The following PDE10A variants were observed in gnomAD, a reference collection of about 807,000 sequenced individuals.
PDE10A encodes the protein cAMP and cAMP-inhibited cGMP 3',5'-cyclic phosphodiesterase 10A.
PDE10A carries 39 observed loss-of-function variants against 97.7 expected under a neutral mutation model. The ratio of observed to expected loss-of-function variants is 0.40; its 90% CI spans 0.31 to 0.52. The LOEUF is 0.52. Among genes scored for constraint, PDE10A ranks in the 20% least tolerant of loss-of-function variants. The pLI is 0.56. For missense variants in PDE10A, 731 were observed against 1,047.8 expected, an observed-to-expected ratio of 0.70 and a Z score of 4.17; for synonymous variants, 371 against 376.8, an observed-to-expected ratio of 0.98 and a Z score of 0.18.
intron 5 of PDE10A, among the ~76,000 whole-genome samples, chr6:165,446,563 A>C (rs187179729): frequency 1.3e-5 from 2 of 152,350 alleles, no homozygotes; most frequent in Admixed American, 1.3e-4. Flanking sequence ...CAGGCAGATA[A>C]GGTATCTGTC....
intron 1 of PDE10A, among the ~76,000 whole-genome samples, chr6:165,548,135 C>G (rs535896107): frequency 2.0e-5 from 3 of 151,962 alleles, no homozygotes; most frequent in Non-Finnish European, 4.4e-5. Context: ...CAAAGCAAAT[C>G]CAAGAAATTA....
In PDE10A at chr6:165,327,910, C is replaced by A. The variant is rs1030900301; in HGVS notation, c.*5115G>T. The A allele has an allele frequency of 2.0e-5, 3 of 152,168 alleles. No homozygotes were observed. The highest frequency in any genetic ancestry group is 7.2e-5 in the African/African-American group (3 of 41,442). The allele number at this position is 152,168 out of a possible 1,614,324, so 9.4% of individuals were successfully genotyped here. A position where few individuals can be genotyped will look rare whatever the true frequency, so the allele number is the denominator to read the frequency against. Reference sequence around the variant, plus strand: ...TTACTCTCCAGTAGTTTTTGGTCAGCAAGATTATCAACAGCAAACTCTTAG... The same window carrying A: ...TTACTCTCCAGTAGTTTTTGGTCAGAAAGATTATCAACAGCAAACTCTTAG... On this transcript the variant is annotated 3_prime_UTR_variant, in exon 22 of 22. Coordinates refer to ENST00000539869, the MANE Select transcript of PDE10A (RefSeq NM_001385079.1).
intron 2 of PDE10A, among the ~76,000 whole-genome samples, chr6:165,490,085 G>C (rs1196681013): frequency 1.3e-5 from 2 of 152,176 alleles, no homozygotes; most frequent in Non-Finnish European, 2.9e-5. Flanking sequence ...AATACAAGAA[G>C]GTCAAAGAAC....
rs561636367 is a variant in PDE10A at position 165,722,883 on chromosome 6, T to TACACAC, written c.-614-179321_-614-179316dup. ...TAAAATTTGTTCATATATATATATA[T>TACACAC]ACACACACACACACACACATATACA... On this transcript the variant is annotated intron_variant, in intron 1 of 19. Transcript: ENST00000366882. Among the ~76,000 whole-genome samples the TACACAC allele has an allele frequency of 2.3e-3, 338 of 149,140 alleles. 1 individual carries two copies. The highest frequency in any genetic ancestry group is 7.6e-3 in the African/African-American group (307 of 40,200).
At chr6:165,690,003 A>AT (rs1411702374) in intron 1 of PDE10A, among the ~76,000 whole-genome samples, 1 of 152,048 alleles carries the variant, frequency 6.6e-6, no homozygotes, top group African/African-American at 2.4e-5. Context: ...TTAACAAGAC[A>AT]TTTTTAATGC....
At chr6:165,708,507 C>T (rs1260631569) in intron 1 of PDE10A, among the ~76,000 whole-genome samples, 1 of 151,920 alleles carries the variant, frequency 6.6e-6, no homozygotes, top group East Asian at 1.9e-4. Context: ...TATCAGGCTC[C>T]GCACTCTCAG....
chr6:165,516,586 G>C (rs1781822967), intron 2 of PDE10A, among the ~76,000 whole-genome samples: 1 of 152,122 alleles, frequency 6.6e-6, no homozygotes, highest in East Asian at 1.9e-4. Context: ...CACATGTTAA[G>C]CATACGAGGA....
intron 12 of PDE10A, among the ~76,000 whole-genome samples, chr6:165,415,858 C>T (rs564371858): frequency 1.3e-3 from 204 of 152,150 alleles, no homozygotes; most frequent in African/African-American, 4.4e-3. Context: ...TATGATTTGA[C>T]GGAGAACATG....
chr6:165,409,162 C>A (rs1440721736), intron 13 of PDE10A, among the ~76,000 whole-genome samples: 1 of 56,576 alleles, frequency 1.8e-5, no homozygotes, highest in Non-Finnish European at 3.5e-5. Context: ...GAGACTCCAT[C>A]TCAAAAAAAA....
At chr6:165,905,873 A>T (rs1275368108) in intron 1 of PDE10A, among the ~76,000 whole-genome samples, 1 of 152,120 alleles carries the variant, frequency 6.6e-6, no homozygotes, top group African/African-American at 2.4e-5. Context: ...CTAGACACAA[A>T]TCTAGTCATA....
intron 1 of PDE10A, among the ~76,000 whole-genome samples, chr6:165,815,124 C>T (rs1174855300): frequency 6.6e-6 from 1 of 152,192 alleles, no homozygotes; most frequent in African/African-American, 2.4e-5. Flanking sequence ...GCAGGAGAGG[C>T]TCTCTTTCGT....
chr6:165,341,185 T>C (rs1238604209), intron 19 of PDE10A, among the ~76,000 whole-genome samples: 1 of 152,206 alleles, frequency 6.6e-6, no homozygotes, highest in Admixed American at 6.5e-5. Flanking sequence ...TTGGTGAATA[T>C]ATTCCTGCTT....
intron 1 of PDE10A, among the ~76,000 whole-genome samples, chr6:165,806,928 G>GT (rs1388738482): frequency 6.6e-6 from 1 of 152,202 alleles, no homozygotes; most frequent in Admixed American, 6.5e-5. Context: ...ACCATGTTAT[G>GT]TTTTTTCACT....
At chr6:165,645,173 C>T (rs922664226) in intron 1 of PDE10A, among the ~76,000 whole-genome samples, 1 of 152,160 alleles carries the variant, frequency 6.6e-6, no homozygotes, top group Non-Finnish European at 1.5e-5. Flanking sequence ...CTGCCAGGGC[C>T]AGGAGAGCCC....
intron 2 of PDE10A, among the ~76,000 whole-genome samples, chr6:165,539,927 A>AATTCAATCAATC (rs112701871): frequency 1.3e-4 from 19 of 151,626 alleles, no homozygotes; most frequent in African/African-American, 4.6e-4. Context: ...CTTTGCTCAA[A>AATTCAATCAATC]AATCAATCAA....
chr6:165,747,344 C>T (rs965500849), intron 1 of PDE10A, among the ~76,000 whole-genome samples: 3 of 152,108 alleles, frequency 2.0e-5, no homozygotes, highest in South Asian at 2.1e-4. Flanking sequence ...TAGCCTCCAC[C>T]GGCTCACAAG....
chr6:165,340,553 G>A (rs758616955), intron 19 of PDE10A, among the ~76,000 whole-genome samples: 7 of 152,232 alleles, frequency 4.6e-5, no homozygotes, highest in Non-Finnish European at 7.3e-5. Flanking sequence ...GACATACTAA[G>A]TCCCTTGCTC....
chr6:165,946,069 CAA>C (rs11308997), intron 1 of PDE10A, among the ~76,000 whole-genome samples: 3 of 151,628 alleles, frequency 2.0e-5, no homozygotes, highest in African/African-American at 4.8e-5. Flanking sequence ...GGGTCATAAC[CAA>C]AAAAAAATCA....
intron 1 of PDE10A, among the ~76,000 whole-genome samples, chr6:165,843,547 G>A (rs959130648): frequency 1.3e-5 from 2 of 152,204 alleles, no homozygotes; most frequent in Non-Finnish European, 2.9e-5. Flanking sequence ...AGGCCTGCTG[G>A]CTGCGTCCTC....
Sources: gnomAD v4.1 joint callset for allele counts (sites outside exome capture counted in the v4.1 genomes callset) on GRCh38, gnomAD v4.1.1 for gene constraint, MANE v1.5 for transcripts, NCBI Gene and HGNC (gene_info 2026-07-23, HGNC 2026-07-21) for gene names.